ZNF280C: variants seen among roughly 807,000 people sequenced by gnomAD.
ZNF280C encodes suppressor of hairy wing homolog 3.
A neutral mutation model predicts 53.6 loss-of-function variants in ZNF280C; 14 were observed. The observed-to-expected ratio is 0.26, with a 90% CI of 0.17 to 0.41. The LOEUF (loss-of-function observed/expected upper bound fraction) is 0.41, where lower values mean the gene tolerates loss of function less well. Ranked by LOEUF, ZNF280C falls within the 10% of genes least tolerant of loss-of-function variation. ZNF280C has a pLI of 1.00. For synonymous variants in ZNF280C, 203 were observed against 181.1 expected, an observed-to-expected ratio of 1.12 and a Z score of -0.97; for missense variants, 416 against 547.1, an observed-to-expected ratio of 0.76 and a Z score of 2.39.
In ZNF280C at chrX:130,236,294, C is replaced by T; in HGVS notation, c.691G>A (p.Ala231Thr). 1.2e-5 allele frequency: 15 copies of T among 1,203,343 alleles called. No individual in the cohort carries two copies. Among genetic ancestry groups the T allele is most frequent in the Non-Finnish European group, 1.7e-5 (15 of 890,687 alleles). ...KGTNTSSPYD[A>T]GADYLRACPK... ...CAAGCTCTTAGGTAATCTGCTCCAG[C>T]ATCATATGGAGATGAGGTATTTGTA... The change falls in exon 8 of 19, where the codon GCT (alanine) becomes ACT (threonine). Residue 231 changes from alanine (A) to threonine (T), a missense_variant. Physicochemically the swap from Ala to Thr is moderately conservative, Grantham distance 58. Transcript: ENST00000370978.
At chrX:130,257,562 T>C (rs2032588633) in intron 2 of ZNF280C, among the ~76,000 whole-genome samples, 1 of 111,166 alleles carries the variant, frequency 9.0e-6, no homozygotes, top group Non-Finnish European at 1.9e-5. Flanking sequence ...GTTTTAAAAA[T>C]TGAGAAACGT....
Position 130,247,018 on chromosome X carries a change from A to G in ZNF280C, c.32-13T>C. ...ATTTTTGAAATGTCTAATTTTCAAG[A>G]GAAGAGAAGCTAACTTTATTTTCAA... is the stretch of plus-strand genomic sequence containing the variant. On this transcript the variant is annotated splice_polypyrimidine_tract_variant and intron_variant, in intron 2 of 18. Transcript: ENST00000370978. 8.4e-7 allele frequency: 1 copy of G among 1,192,815 alleles called. No homozygotes were observed. The highest frequency in any genetic ancestry group is 1.1e-6 in the Non-Finnish European group (1 of 887,266).
intron 15 of ZNF280C, among the ~76,000 whole-genome samples, chrX:130,214,922 TAAAAG>T (rs1468555528): frequency 9.0e-6 from 1 of 111,401 alleles, no homozygotes; most frequent in Non-Finnish European, 1.9e-5. Context: ...TTGAAAGACA[TAAAAG>T]AAAAAAAAGT....
chrX:130,235,085 A>G (rs1452674043), intron 8 of ZNF280C, among the ~76,000 whole-genome samples: 1 of 112,247 alleles, frequency 8.9e-6, no homozygotes, highest in Non-Finnish European at 1.9e-5. Context: ...TGGGCAAAAA[A>G]TAAGGTAAAC....
At chrX:130,256,442 G>A (rs982631112) in intron 2 of ZNF280C, among the ~76,000 whole-genome samples, 2 of 111,884 alleles carry the variant, frequency 1.8e-5, no homozygotes, top group African/African-American at 3.2e-5. Context: ...GGGGCCGGGC[G>A]CGGTGGTGGT....
chrX:130,231,809 G>A (rs941009862), intron 8 of ZNF280C, among the ~76,000 whole-genome samples: 3 of 110,710 alleles, frequency 2.7e-5, no homozygotes, highest in South Asian at 3.9e-4. Flanking sequence ...GGCGGATCAC[G>A]AGGTCAGGAG....
rs746458221 is a variant in ZNF280C, at chrX:130,213,496, G to A, written c.1979+1697C>T. ...GTGGTAGTCTAGAACTGAGCATAGG[G>A]ATACATCAAAAAGGATAAAAGATGC... On this transcript the variant is annotated intron_variant, in intron 15 of 18. Coordinates refer to ENST00000370978, the MANE Select transcript of ZNF280C (RefSeq NM_017666.5). Among the ~76,000 whole-genome samples the A allele has an allele frequency of 5.3e-5, 6 of 112,425 alleles. No individual in the cohort carries two copies. The South Asian group carries it at 2.2e-3, about 41-fold the overall frequency.
intron 15 of ZNF280C, among the ~76,000 whole-genome samples, chrX:130,213,841 G>A (rs1303707792): frequency 1.8e-5 from 2 of 112,574 alleles, no homozygotes; most frequent in African/African-American, 3.2e-5. Context: ...ATCCCTGCAA[G>A]CCAGGTGCTG....
At chrX:130,228,841 G>C (rs2032249468) in intron 10 of ZNF280C, 136 bp downstream of exon 10, 1 of 610,536 alleles carries the variant, frequency 1.6e-6, no homozygotes, top group East Asian at 3.5e-5. Context: ...TAAAAGTTAT[G>C]ATTTTTTTTT....
At chrX:130,266,776 GAA>G (rs901284652) in intron 1 of ZNF280C, among the ~76,000 whole-genome samples, 1 of 111,514 alleles carries the variant, frequency 9.0e-6, no homozygotes, top group Non-Finnish European at 1.9e-5. Flanking sequence ...AGAGCACTGG[GAA>G]AAAAAGTCTA....
At chrX:130,237,705 T>C (rs2032349513) in intron 6 of ZNF280C, among the ~76,000 whole-genome samples, 1 of 111,714 alleles carries the variant, frequency 9.0e-6, no homozygotes, top group Admixed American at 9.5e-5. Flanking sequence ...GTTAAATCTG[T>C]GTTTCATTCT....
At chrX:130,208,942 C>T (rs138151489) in intron 16 of ZNF280C, among the ~76,000 whole-genome samples, 1,266 of 111,322 alleles carry the variant, frequency 0.011, 13 homozygotes, top group African/African-American at 0.039. Flanking sequence ...GTGATCCACC[C>T]GCCTCAGCCT....
intron 16 of ZNF280C, among the ~76,000 whole-genome samples, chrX:130,205,820 C>T (rs928756325): frequency 4.9e-5 from 5 of 101,822 alleles, no homozygotes; most frequent in Non-Finnish European, 9.8e-5. Flanking sequence ...ACCCAGGAGG[C>T]GGAGGTTGCA....
chrX:130,255,190 G>A (rs910303236), intron 2 of ZNF280C, among the ~76,000 whole-genome samples: 1 of 96,863 alleles, frequency 1.0e-5, no homozygotes, highest in Middle Eastern at 5.0e-3. Context: ...ACCCAGGCTG[G>A]AGTGCAGTGG....
rs2032150581 is a variant in ZNF280C, at chrX:130,220,294, T to C, written c.1527+55A>G. The C allele has an allele frequency of 6.7e-6, 7 of 1,044,540 alleles. No individual in the cohort carries two copies. The South Asian group carries it at 2.1e-4, about 32-fold the overall frequency. 86.1% of individuals were successfully genotyped at this position (1,044,540 alleles called of 1,213,427 possible). The stretch of plus-strand genomic sequence containing the variant: ...TCTATCCATAATAAAAAAAAAAACA[T>C]AAAAAAATTAATAGAATGTGCAAAA... On this transcript the variant is annotated intron_variant, in intron 13 of 18. Coordinates refer to ENST00000370978, the MANE Select transcript of ZNF280C (RefSeq NM_017666.5).
At chrX:130,220,862 T>C (rs1347058721) in intron 12 of ZNF280C, among the ~76,000 whole-genome samples, 3 of 111,322 alleles carry the variant, frequency 2.7e-5, no homozygotes, top group African/African-American at 9.8e-5. Flanking sequence ...AAATTTGCAC[T>C]TGCCCATAGC....
intron 14 of ZNF280C, 148 bp downstream of exon 14, chrX:130,215,643 C>T: frequency 1.9e-6 from 1 of 526,484 alleles, no homozygotes; most frequent in East Asian, 3.8e-5. Context: ...TTCTGCTCAG[C>T]AGTTGTAAAA....
intron 16 of ZNF280C, 135 bp from the exon 17 acceptor site, chrX:130,205,550 T>C (rs914829622): frequency 1.3e-4 from 56 of 437,701 alleles, no homozygotes; most frequent in Non-Finnish European, 1.9e-4. Flanking sequence ...AATTTTGTTA[T>C]ATAAACTTGA....
At chrX:130,216,125 A>AT in intron 13 of ZNF280C, 24 bp from the exon 14 acceptor site, 1 of 1,133,190 alleles carries the variant, frequency 8.8e-7, no homozygotes, top group Non-Finnish European at 1.2e-6. Context: ...GCCAATACAT[A>AT]TTTTTAGAAA....
Sources: gnomAD v4.1 joint callset for allele counts (sites outside exome capture counted in the v4.1 genomes callset) on GRCh38, gnomAD v4.1.1 for gene constraint, MANE v1.5 for transcripts, NCBI Gene and HGNC (gene_info 2026-07-23, HGNC 2026-07-21) for gene names.